The following NFIL3 variants were observed in gnomAD, a reference collection of about 807,000 sequenced individuals.
NFIL3 encodes the protein nuclear factor, interleukin 3 regulated, also known as nuclear factor interleukin-3-regulated protein.
NFIL3 carries 5 observed loss-of-function variants against 10.0 expected under a neutral mutation model. The observed-to-expected ratio is 0.50, with a 90% CI of 0.26 to 1.06. The LOEUF (loss-of-function observed/expected upper bound fraction) is 1.06, where lower values mean the gene tolerates loss of function less well. NFIL3 is among the 50% of genes least tolerant of loss of function. The probability of loss-of-function intolerance (pLI) is 0.13; values close to 1 mark genes in which losing one functional copy is unlikely to be tolerated. For synonymous variants in NFIL3, 202 were observed against 206.5 expected (o/e 0.98, Z 0.19); for missense variants, 436 against 547.6 (o/e 0.80, Z 2.03).
the NFIL3 span, among the ~76,000 whole-genome samples, chr9:91,462,899 T>A: frequency 6.6e-6 from 1 of 151,958 alleles, no homozygotes; most frequent in Non-Finnish European, 1.5e-5. Flanking sequence ...TCAGTTTATC[T>A]ATTTTTTTGT....
the NFIL3 span, among the ~76,000 whole-genome samples, chr9:91,470,374 G>A: frequency 7.0e-6 from 1 of 142,492 alleles, no homozygotes; most frequent in African/African-American, 2.7e-5. Flanking sequence ...GATAGGTGGT[G>A]ATATCCCCTT....
At chr9:91,422,177 A>C (rs541662304) in intron 1 of NFIL3, among the ~76,000 whole-genome samples, 1 of 152,352 alleles carries the variant, frequency 6.6e-6, no homozygotes, top group East Asian at 1.9e-4. Flanking sequence ...GGGAGCCAGC[A>C]TCCAGCAAAT....
the NFIL3 span, among the ~76,000 whole-genome samples, chr9:91,431,410 C>T: frequency 6.6e-6 from 1 of 152,082 alleles, no homozygotes; most frequent in South Asian, 2.1e-4. Context: ...AGAATAATAA[C>T]AAATACTGCT....
In NFIL3 at chr9:91,417,319, G is replaced by A. The variant is rs186699176; in HGVS notation, c.-173+6321C>T. 1.5e-3 allele frequency among the ~76,000 whole-genome samples: 227 copies of A among 152,174 alleles called. 2 individuals carry two copies. The highest frequency in any genetic ancestry group is 5.0e-3 in the African/African-American group (207 of 41,528). ...AAAAATGTCTTCAAGGTAAACCTAA[G>A]TTATGTTAAACTGTAAGCCACCTCT... On this transcript the variant is annotated intron_variant, in intron 1 of 1. Transcript: ENST00000297689.
At chr9:91,453,369 G>A in the NFIL3 span, among the ~76,000 whole-genome samples, 1 of 152,002 alleles carries the variant, frequency 6.6e-6, no homozygotes, top group African/African-American at 2.4e-5. Flanking sequence ...TTTTTGGAGG[G>A]ACACAATTCA....
At chr9:91,426,876 A>G (rs1485564277), upstream of NFIL3, 2 of 152,216 alleles carry the variant, frequency 1.3e-5, no homozygotes, top group Non-Finnish European at 2.9e-5. Flanking sequence ...CCATATATAT[A>G]TCCCAGGGAT....
chr9:91,442,377 G>A, the NFIL3 span, among the ~76,000 whole-genome samples: 3 of 152,100 alleles, frequency 2.0e-5, no homozygotes, highest in Non-Finnish European at 4.4e-5. Context: ...AATTCTCTAT[G>A]TCCTTGGGGT....
the NFIL3 span, among the ~76,000 whole-genome samples, chr9:91,453,708 A>G: frequency 6.6e-6 from 1 of 152,066 alleles, no homozygotes; most frequent in African/African-American, 2.4e-5. Context: ...AAATTAAAAC[A>G]TGGGAATAGG....
At chr9:91,440,871 C>G in the NFIL3 span, among the ~76,000 whole-genome samples, 2 of 152,008 alleles carry the variant, frequency 1.3e-5, no homozygotes, top group Admixed American at 1.3e-4. Context: ...AAACAATCTT[C>G]GATATGATTT....
chr9:91,433,523 C>T, the NFIL3 span, among the ~76,000 whole-genome samples: 3 of 152,168 alleles, frequency 2.0e-5, no homozygotes, highest in Non-Finnish European at 4.4e-5. Context: ...TCATTCTGGC[C>T]AAACGGGCAT....
chr9:91,428,015 A>G (rs1398129753), upstream of NFIL3, among the ~76,000 whole-genome samples: 1 of 152,102 alleles, frequency 6.6e-6, no homozygotes, highest in Non-Finnish European at 1.5e-5. Context: ...TCTCCTCCCC[A>G]CGCCCATCAG....
chr9:91,429,199 A>G, the NFIL3 span, among the ~76,000 whole-genome samples: 1 of 152,246 alleles, frequency 6.6e-6, no homozygotes, highest in Non-Finnish European at 1.5e-5. Context: ...AGGATAGTTT[A>G]CTGGAAAGAG....
At chr9:91,474,476 T>C in the NFIL3 span, among the ~76,000 whole-genome samples, 5 of 152,184 alleles carry the variant, frequency 3.3e-5, no homozygotes, top group South Asian at 4.1e-4. Context: ...TATGTGGTGA[T>C]TCTCTATATG....
the NFIL3 span, among the ~76,000 whole-genome samples, chr9:91,479,813 G>C: frequency 6.6e-6 from 1 of 152,224 alleles, no homozygotes; most frequent in Non-Finnish European, 1.5e-5. Flanking sequence ...CTGGTCTGCG[G>C]GTTGCAAAGA....
rs1230286238 is a variant in NFIL3, at chr9:91,410,242, C to T, written c.493G>A (p.Glu165Lys). 3.7e-6 allele frequency: 6 copies of T among 1,614,126 alleles called. No individual in the cohort carries two copies. The South Asian group carries it at 5.5e-5, about 15-fold the overall frequency. Residue 165 changes from glutamate (E) to lysine (K), a missense_variant, in exon 2 of 2, where the codon GAG becomes AAG. Around this residue, in one of 3 missense-constraint regions of NFIL3, gnomAD observed 338 missense variants for 399.9 expected, o/e 0.85. Coordinates refer to ENST00000297689, the MANE Select transcript of NFIL3 (RefSeq NM_005384.3). This position sits in a 1 kb window ranked among gnomAD's most constrained non-coding sequence, Gnocchi z 5.7. ...SKSNVSSFVDEHEPSMVSSSC... is the reference protein window; with the variant it reads ...SKSNVSSFVDKHEPSMVSSSC... ...CTTGACACCATCGAGGGTTCGTGCT[C>T]GTCCACAAATGAACTCACATTGGAT... is the stretch of plus-strand genomic sequence containing the variant.
the NFIL3 span, among the ~76,000 whole-genome samples, chr9:91,437,770 G>A: frequency 2.0e-5 from 3 of 152,292 alleles, no homozygotes; most frequent in East Asian, 3.9e-4. Flanking sequence ...ATTTTTGTGT[G>A]TGTGTCTAGC....
the NFIL3 span, among the ~76,000 whole-genome samples, chr9:91,437,570 A>G: frequency 6.6e-6 from 1 of 152,212 alleles, no homozygotes; most frequent in Admixed American, 6.5e-5. Flanking sequence ...CAATTTTATT[A>G]TCTGTAATCT....
chr9:91,434,230 C>T, the NFIL3 span, among the ~76,000 whole-genome samples: 2 of 152,164 alleles, frequency 1.3e-5, no homozygotes, highest in South Asian at 4.1e-4. Context: ...GTCTGCACAA[C>T]ACAGGCTCTC....
At chr9:91,447,585 A>G in the NFIL3 span, among the ~76,000 whole-genome samples, 1 of 152,170 alleles carries the variant, frequency 6.6e-6, no homozygotes, top group Admixed American at 6.5e-5. Context: ...CCTAGTGGTT[A>G]GTGATGTTGA....
Sources: allele counts gnomAD v4.1 joint callset (sites outside exome capture counted in the v4.1 genomes callset), GRCh38; gene constraint gnomAD v4.1.1; regional missense constraint gnomAD v4.1.1; non-coding constraint Gnocchi (gnomAD v3.1); transcripts MANE v1.5; gene names NCBI Gene and HGNC (gene_info 2026-07-23, HGNC 2026-07-21).